Variants in BAHCC1 observed in about 807,000 individuals in gnomAD.
BAHCC1 encodes BAH domain and coiled-coil containing 1.
In BAHCC1, 43 loss-of-function variants were observed where a neutral mutation model predicts 88.2. The ratio of observed to expected loss-of-function variants is 0.49; its 90% CI spans 0.38 to 0.63. The LOEUF is 0.63. Among genes scored for constraint, BAHCC1 ranks in the 20% least tolerant of loss-of-function variants. The pLI, the probability that BAHCC1 is intolerant of heterozygous loss-of-function variation, is 0.00. For missense variants in BAHCC1, 3,023 were observed against 1,654.8 expected (o/e 1.83, Z -14.34); for synonymous variants, 1,510 against 745.5 (o/e 2.03, Z -16.71).
chr17:81,432,463 T>C (rs2064271342), intron 3 of BAHCC1, among the ~76,000 whole-genome samples: 1 of 144,844 alleles, frequency 6.9e-6, no homozygotes, highest in Non-Finnish European at 1.5e-5. Context: ...TGGTTGCTTC[T>C]AGCTCCACGC....
intron 3 of BAHCC1, among the ~76,000 whole-genome samples, chr17:81,433,420 T>C (rs1194838888): frequency 3.9e-5 from 6 of 152,036 alleles, no homozygotes; most frequent in African/African-American, 1.5e-4. Flanking sequence ...CTGCAGTCAC[T>C]GCTGAGGCCC....
At chr17:81,448,557 G>T (rs529024025) in intron 11 of BAHCC1, among the ~76,000 whole-genome samples, 228 of 152,334 alleles carry the variant, frequency 1.5e-3, no homozygotes, top group Non-Finnish European at 2.7e-3. Flanking sequence ...GGGGTGGAGG[G>T]CGTCCCCCAG....
rs868909179 is a variant in BAHCC1 at position 81,399,218 on chromosome 17, G to A, written c.-206-316G>A. On this transcript the variant is annotated intron_variant, in intron 1 of 27. Transcript: ENST00000675386. The surrounding 1 kb of genome is among the most constrained non-coding windows in gnomAD (Gnocchi z 4.5). The stretch of plus-strand genomic sequence containing the variant: ...ACCCAGCAGAGCCAGCAGCCTCTTC[G>A]CCGCGGCGCCCTAGCTGCAGGGACC... 2.4e-5 allele frequency: 10 copies of A among 424,522 alleles called. 1 individual carries two copies. The Middle Eastern group carries it at 3.3e-3, about 141-fold the overall frequency. The allele number at this position is 424,522 out of a possible 1,614,324, so 26.3% of individuals were successfully genotyped here.
intron 17 of BAHCC1, among the ~76,000 whole-genome samples, 166 bp from the exon 18 acceptor site, chr17:81,457,999 G>A (rs1373808578): frequency 6.8e-6 from 1 of 146,580 alleles, no homozygotes; most frequent in Non-Finnish European, 1.5e-5. Flanking sequence ...CAGGAGGGAG[G>A]GCAGGGGTTG....
chr17:81,455,270 G>A lies in BAHCC1; in HGVS notation c.4449G>A (p.Ala1483=), dbSNP rs1414739119. Residue 1483 remains alanine (A), a synonymous_variant, in exon 15 of 28, where the codon GCG becomes GCA. Coordinates refer to ENST00000675386, the MANE Select transcript of BAHCC1 (RefSeq NM_001377448.1). ...ACCCACCACCCCATGCCCCCAGGGC[G>A]GTGCGGACAAGCCTGGGTCTGCTGT... ...LPRSDGKKVK[A]VRTSLGLLCA... The A allele has an allele frequency of 2.8e-5, 20 of 715,508 alleles. No individual in the cohort carries two copies. Among genetic ancestry groups the A allele is most frequent in the Non-Finnish European group, 3.4e-5 (13 of 385,054 alleles). The allele number at this position is 715,508 out of a possible 1,614,324, so 44.3% of individuals were successfully genotyped here.
At position 81,442,868 on chromosome 17, in the gene BAHCC1, G is replaced by C. The variant is rs1207423984; in HGVS notation, c.1519G>C (p.Gly507Arg). The change falls in exon 5 of 28, where the codon GGT becomes CGT. Residue 507 changes from glycine (G) to arginine (R), a missense_variant. Coordinates refer to ENST00000675386, the MANE Select transcript of BAHCC1 (RefSeq NM_001377448.1). ...CTCTTCACAGGACTGTGCCCGGCCT[G>C]GTCACCAGGACCCGCTGGGCGGGAA... ...PTSSQDCARP[G>R]HQDPLGGKAP... is the part of the protein sequence containing the mutation. The C allele has an allele frequency of 1.3e-6, 1 of 779,386 alleles. No individual in the cohort carries two copies. The highest frequency in any genetic ancestry group is 2.4e-6 in the Non-Finnish European group (1 of 417,880). The allele number at this position is 779,386 out of a possible 1,614,324, so 48.3% of individuals were successfully genotyped here. A position where few individuals can be genotyped will look rare whatever the true frequency, so the allele number is the denominator to read the frequency against.
chr17:81,428,290 G>A (rs2064223120), intron 3 of BAHCC1, among the ~76,000 whole-genome samples: 2 of 152,198 alleles, frequency 1.3e-5, no homozygotes, highest in Non-Finnish European at 2.9e-5. Flanking sequence ...TGTGTCTGTG[G>A]GCAAACGCCC....
chr17:81,430,670 G>A (rs1021828629), intron 3 of BAHCC1, among the ~76,000 whole-genome samples: 16 of 152,106 alleles, frequency 1.1e-4, no homozygotes, highest in African/African-American at 2.4e-4. Flanking sequence ...CACCCACCCC[G>A]AGTGTCCTCA....
chr17:81,458,832 G>A lies in BAHCC1; in HGVS notation c.5468G>A (p.Ser1823Asn), dbSNP rs782200397. Residue 1823 changes from serine (S) to asparagine (N), a missense_variant, in exon 20 of 28, where the codon AGC becomes AAC. Physicochemically the swap from Ser to Asn is conservative, Grantham distance 46 (BLOSUM62 1). Coordinates refer to ENST00000675386, the MANE Select transcript of BAHCC1 (RefSeq NM_001377448.1). Reference sequence around the variant, plus strand: ...CCCCAGGGCAAGGGCCGGGCCGTGAGCCGCCTGCTGGAAAGCTTCGCCGTG... The same window carrying A: ...CCCCAGGGCAAGGGCCGGGCCGTGAACCGCCTGCTGGAAAGCTTCGCCGTG... ...AGKQGKGRAV[S>N]RLLESFAVEE... The A allele has an allele frequency of 1.3e-5, 10 of 766,474 alleles. No individual in the cohort carries two copies. Among genetic ancestry groups the A allele is most frequent in the Admixed American group, 5.1e-5 (3 of 58,468 alleles). 47.5% of individuals were successfully genotyped at this position (766,474 alleles called of 1,614,324 possible).
intron 4 of BAHCC1, among the ~76,000 whole-genome samples, chr17:81,441,537 C>T (rs2064415320): frequency 6.6e-6 from 1 of 152,056 alleles, no homozygotes; most frequent in Admixed American, 6.6e-5. Flanking sequence ...TGGCGGGCTC[C>T]TGTAGTCCCA....
intron 2 of BAHCC1, among the ~76,000 whole-genome samples, chr17:81,417,755 C>T (rs925381182): frequency 2.6e-5 from 4 of 152,308 alleles, no homozygotes; most frequent in Admixed American, 6.5e-5. Context: ...GCCTGAGAGA[C>T]GCTGCCTCTG....
At chr17:81,417,561 C>CA (rs1555648943) in intron 2 of BAHCC1, among the ~76,000 whole-genome samples, 1 of 45,402 alleles carries the variant, frequency 2.2e-5, no homozygotes, top group Non-Finnish European at 6.2e-5. Flanking sequence ...GGCCACCCCC[C>CA]CCCCGCCCTA....
At position 81,444,787 on chromosome 17, in the gene BAHCC1, C is replaced by T. The variant is rs1598490554; in HGVS notation, c.2632C>T (p.Pro878Ser). 1.3e-6 allele frequency: 1 copy of T among 778,596 alleles called. No individual in the cohort carries two copies. Among genetic ancestry groups the T allele is most frequent in the Non-Finnish European group, 2.4e-6 (1 of 417,482 alleles). 48.2% of individuals were successfully genotyped at this position (778,596 alleles called of 1,614,324 possible). A position where few individuals can be genotyped will look rare whatever the true frequency, so the allele number is the denominator to read the frequency against. Residue 878 changes from proline to serine, a missense_variant, in exon 8 of 28, where the codon CCC becomes TCC. Pro to Ser is a moderately conservative substitution (Grantham distance 74). Coordinates refer to ENST00000675386, the MANE Select transcript of BAHCC1 (RefSeq NM_001377448.1). The part of the protein sequence containing the change: ...QDAPTQLVIL[P>S]SEPTPHSAPH... ...CGCCCCCACACAGCTGGTCATCCTG[C>T]CCTCAGAGCCCACACCCCACAGCGC...
chr17:81,430,762 C>A (rs1384235915), intron 3 of BAHCC1, among the ~76,000 whole-genome samples: 1 of 152,146 alleles, frequency 6.6e-6, no homozygotes, highest in Non-Finnish European at 1.5e-5. Context: ...TTCAGCTCCT[C>A]CTTCCTCTCC....
rs1555651585 is a variant in BAHCC1, at chr17:81,435,447, G to A, written c.359-2923G>A. 1 of 470,476 alleles carries A rather than the reference G, an allele frequency of 2.1e-6. No individual in the cohort carries two copies. The highest frequency in any genetic ancestry group is 2.0e-5 in the African/African-American group (1 of 50,064). 29.1% of individuals were successfully genotyped at this position (470,476 alleles called of 1,614,324 possible). ...TTCCCCACGCTCCACCAGGCTCCGA[G>A]GGCACCAGCAGCCTGTGTCCTGACC... On this transcript the variant is annotated intron_variant, in intron 3 of 27. Coordinates refer to ENST00000675386, the MANE Select transcript of BAHCC1 (RefSeq NM_001377448.1). The surrounding 1 kb of genome is among the most constrained non-coding windows in gnomAD (Gnocchi z 4.4).
At chr17:81,451,368 G>T (rs1053134704) in intron 11 of BAHCC1, among the ~76,000 whole-genome samples, 1 of 152,210 alleles carries the variant, frequency 6.6e-6, no homozygotes, top group East Asian at 1.9e-4. Flanking sequence ...AAGCTGTAAC[G>T]AGCAGATTGC....
chr17:81,455,912 T>C (rs1197799813), intron 15 of BAHCC1, among the ~76,000 whole-genome samples: 2 of 152,066 alleles, frequency 1.3e-5, no homozygotes, highest in African/African-American at 4.8e-5. Context: ...TCGGCGGGGC[T>C]GGTGAGACGT....
chr17:81,437,107 GT>G (rs2064347162), intron 3 of BAHCC1, among the ~76,000 whole-genome samples: 1 of 152,220 alleles, frequency 6.6e-6, no homozygotes, highest in South Asian at 2.1e-4. Context: ...TAGGGGGCCT[GT>G]TTTCCAGGGA....
intron 11 of BAHCC1, 133 bp from the exon 12 acceptor site, chr17:81,451,535 T>C: frequency 3.3e-6 from 2 of 606,746 alleles, no homozygotes; most frequent in Non-Finnish European, 5.9e-6. Flanking sequence ...CCCACCTCAC[T>C]CTTCCCGGTC....
Sources: gnomAD v4.1 joint callset for allele counts (sites outside exome capture counted in the v4.1 genomes callset) on GRCh38, gnomAD v4.1.1 for gene constraint, Gnocchi (gnomAD v3.1) non-coding constraint, MANE v1.5 for transcripts, NCBI Gene and HGNC (gene_info 2026-07-23, HGNC 2026-07-21) for gene names.